Variants in RBFOX1 observed in about 807,000 individuals in gnomAD.
RBFOX1 encodes the protein RNA binding protein fox-1 homolog 1.
RBFOX1 carries 8 observed loss-of-function variants against 57.7 expected under a neutral mutation model. The ratio of observed to expected loss-of-function variants is 0.14; its 90% confidence interval spans 0.08 to 0.25. The LOEUF (loss-of-function observed/expected upper bound fraction) is 0.25. Ranked by LOEUF, RBFOX1 falls within the 10% of genes least tolerant of loss-of-function variation. The pLI, the probability that RBFOX1 is intolerant of heterozygous loss-of-function variation, is 1.00. For missense variants in RBFOX1, 611 were observed against 548.5 expected (o/e 1.11, Z -1.14); for synonymous variants, 326 against 222.4 (o/e 1.47, Z -4.15).
At chr16:6,629,370 G>A (rs935119723) in intron 2 of RBFOX1, among the ~76,000 whole-genome samples, 1 of 152,184 alleles carries the variant, frequency 6.6e-6, no homozygotes, top group African/African-American at 2.4e-5. Context: ...AATTGAGGAT[G>A]TTTAACGACT....
At chr16:7,374,882 A>C (rs2097655086) in intron 4 of RBFOX1, among the ~76,000 whole-genome samples, 1 of 152,170 alleles carries the variant, frequency 6.6e-6, no homozygotes, top group African/African-American at 2.4e-5. Flanking sequence ...CCATCCAGAA[A>C]GTGTCTCTTC....
intron 3 of RBFOX1, among the ~76,000 whole-genome samples, chr16:5,625,331 G>C (rs1474204488): frequency 6.6e-6 from 1 of 152,014 alleles, no homozygotes; most frequent in Non-Finnish European, 1.5e-5. Context: ...CCAGCTGTCA[G>C]GGGCTGCTCC....
chr16:6,908,047 C>G (rs2070527257), intron 3 of RBFOX1, among the ~76,000 whole-genome samples: 1 of 151,788 alleles, frequency 6.6e-6, no homozygotes, highest in Admixed American at 6.6e-5. Context: ...TCCAAATCAT[C>G]TTTACTTGAT....
intron 1 of RBFOX1, among the ~76,000 whole-genome samples, chr16:5,255,563 C>G (rs1022302186): frequency 1.3e-5 from 2 of 151,928 alleles, no homozygotes; most frequent in African/African-American, 4.8e-5. Context: ...TATCCACCCA[C>G]CCGTCCATCC....
intron 1 of RBFOX1, among the ~76,000 whole-genome samples, chr16:6,194,234 A>C (rs1212212561): frequency 6.6e-6 from 1 of 152,086 alleles, no homozygotes; most frequent in Non-Finnish European, 1.5e-5. Context: ...TTACCTCCTG[A>C]AGAGCCACAG....
At chr16:5,499,770 A>G (rs1344425522) in intron 2 of RBFOX1, among the ~76,000 whole-genome samples, 2 of 151,962 alleles carry the variant, frequency 1.3e-5, no homozygotes, top group African/African-American at 4.8e-5. Context: ...AGGGGGTTTC[A>G]CCATGTTGGC....
chr16:7,624,793 ACT>A (rs1339131818), intron 10 of RBFOX1, among the ~76,000 whole-genome samples: 1 of 151,994 alleles, frequency 6.6e-6, no homozygotes, highest in Admixed American at 6.5e-5. Flanking sequence ...TTTTTGTGTG[ACT>A]CTGCACCACC....
chr16:5,720,267 G>C (rs1045046114), intron 3 of RBFOX1, among the ~76,000 whole-genome samples: 1 of 152,116 alleles, frequency 6.6e-6, no homozygotes, highest in African/African-American at 2.4e-5. Context: ...TTTTGACTGG[G>C]TTATTTATAT....
At chr16:6,772,061 G>A (rs764704906) in intron 3 of RBFOX1, among the ~76,000 whole-genome samples, 1 of 152,142 alleles carries the variant, frequency 6.6e-6, no homozygotes. Context: ...ATGAGGTGCT[G>A]TATGATTTCT....
chr16:7,117,934 G>C (rs1037316928), intron 4 of RBFOX1, among the ~76,000 whole-genome samples: 1 of 152,190 alleles, frequency 6.6e-6, no homozygotes, highest in Non-Finnish European at 1.5e-5. Flanking sequence ...GAGAGACAGA[G>C]ACAGAGAGGG....
intron 3 of RBFOX1, among the ~76,000 whole-genome samples, chr16:5,734,110 G>C (rs1233236152): frequency 6.6e-6 from 1 of 152,116 alleles, no homozygotes; most frequent in African/African-American, 2.4e-5. Flanking sequence ...CGCCCTACCT[G>C]GTTTCATGTT....
intron 2 of RBFOX1, among the ~76,000 whole-genome samples, chr16:6,636,963 A>ATT (rs1162126477): frequency 7.7e-6 from 1 of 130,052 alleles, no homozygotes; most frequent in Non-Finnish European, 1.5e-5. Context: ...AAATATGTAT[A>ATT]TTATGTATAT....
intron 2 of RBFOX1, among the ~76,000 whole-genome samples, chr16:6,412,131 T>TA (rs57126566): frequency 0.06 from 8,076 of 133,600 alleles, 588 homozygotes; most frequent in East Asian, 0.23. Context: ...AGACTCCATG[T>TA]AAAAAAAAAA....
At chr16:6,301,757 A>C (rs2078845331) in intron 1 of RBFOX1, among the ~76,000 whole-genome samples, 1 of 152,218 alleles carries the variant, frequency 6.6e-6, no homozygotes, top group African/African-American at 2.4e-5. Flanking sequence ...TAAATGCTAG[A>C]ATATGCTTCT....
At chr16:7,306,711 G>A (rs147338204) in intron 4 of RBFOX1, among the ~76,000 whole-genome samples, 12 of 152,090 alleles carry the variant, frequency 7.9e-5, no homozygotes, top group African/African-American at 2.4e-5. Context: ...GAAGCTCACC[G>A]CTAGGGTGTA....
At chr16:7,246,275 C>T (rs963923959) in intron 4 of RBFOX1, among the ~76,000 whole-genome samples, 1 of 152,116 alleles carries the variant, frequency 6.6e-6, no homozygotes. Flanking sequence ...CAATGCAATC[C>T]AATTGCCTCT....
chr16:6,571,414 C>G (rs966161542), intron 2 of RBFOX1, among the ~76,000 whole-genome samples: 1 of 152,168 alleles, frequency 6.6e-6, no homozygotes, highest in African/African-American at 2.4e-5. Flanking sequence ...TGACTGTGAT[C>G]TATGGCAGAG....
chr16:5,857,968 T>C (rs1567634380), intron 3 of RBFOX1, among the ~76,000 whole-genome samples: 1 of 151,914 alleles, frequency 6.6e-6, no homozygotes, highest in Non-Finnish European at 1.5e-5. Context: ...AAAGAAATGT[T>C]ATAAAATATC....
At chr16:5,727,271 C>A (rs1050564737) in intron 3 of RBFOX1, among the ~76,000 whole-genome samples, 41 of 150,002 alleles carry the variant, frequency 2.7e-4, no homozygotes, top group African/African-American at 9.8e-4. Flanking sequence ...GACTTTGTCT[C>A]AAAAAAAAAT....
Sources: gnomAD v4.1 joint callset for allele counts (sites outside exome capture counted in the v4.1 genomes callset) on GRCh38, gnomAD v4.1.1 for gene constraint, MANE v1.5 for transcripts, NCBI Gene and HGNC (gene_info 2026-07-23, HGNC 2026-07-21) for gene names.